The following VRK1 variants were observed in gnomAD, a reference collection of about 807,000 sequenced individuals.
The protein encoded by VRK1 is serine/threonine-protein kinase VRK1.
In VRK1, 33 loss-of-function variants were observed where a neutral mutation model predicts 57.1. The observed-to-expected ratio is 0.58, with a 90% CI of 0.44 to 0.77. The LOEUF (loss-of-function observed/expected upper bound fraction) is 0.77, where lower values mean the gene tolerates loss of function less well. VRK1 is among the 30% of genes least tolerant of loss of function. VRK1 has a pLI of 0.00. For synonymous variants in VRK1, 137 were observed against 147.8 expected (o/e 0.93, Z 0.53); for missense variants, 413 against 477.3 (o/e 0.87, Z 1.25).
chr14:96,880,350 C>A (rs994787169), intron 12 of VRK1, among the ~76,000 whole-genome samples: 5 of 152,036 alleles, frequency 3.3e-5, no homozygotes, highest in African/African-American at 1.2e-4. Context: ...ATTATGAGCA[C>A]CATGCTGTCC....
intron 1 of VRK1, among the ~76,000 whole-genome samples, chr14:96,830,620 T>C (rs569566815): frequency 1.6e-4 from 24 of 152,322 alleles, no homozygotes; most frequent in African/African-American, 5.3e-4. Flanking sequence ...GAGGCATGTT[T>C]TCTTATGTAC....
At chr14:96,819,625 T>C (rs1424328710) in intron 1 of VRK1, among the ~76,000 whole-genome samples, 1 of 152,180 alleles carries the variant, frequency 6.6e-6, no homozygotes, top group Admixed American at 6.5e-5. Flanking sequence ...GTCAACACAT[T>C]TTTGCCAATG....
intron 12 of VRK1, chr14:96,877,446 C>T: frequency 7.9e-7 from 1 of 1,258,538 alleles, no homozygotes; most frequent in Non-Finnish European, 1.0e-6. Flanking sequence ...CTGCTGTCTT[C>T]CTTTCGCTAC....
chr14:96,859,278 A>G (rs1566712299), intron 10 of VRK1, among the ~76,000 whole-genome samples: 1 of 152,082 alleles, frequency 6.6e-6, no homozygotes, highest in Non-Finnish European at 1.5e-5. Flanking sequence ...TTCTTTGTAG[A>G]TTCTGTAGGA....
intron 8 of VRK1, among the ~76,000 whole-genome samples, chr14:96,855,557 G>A (rs760310491): frequency 1.3e-5 from 2 of 152,080 alleles, no homozygotes; most frequent in African/African-American, 2.4e-5. Flanking sequence ...CCTTTTCCTC[G>A]CAGCCTTCAA....
chr14:96,876,021 A>G lies in VRK1; in HGVS notation c.1069-9A>G, dbSNP rs767585930. On this transcript the variant is annotated splice_polypyrimidine_tract_variant and intron_variant, in intron 11 of 12. Coordinates refer to ENST00000216639, the MANE Select transcript of VRK1 (RefSeq NM_003384.3). ...TATCTCTCTCTCTCTCTTTAATTTTATATGTAAGAAGCGAAAGAAAGAAAT... is the reference window on the plus strand; with the variant it reads ...TATCTCTCTCTCTCTCTTTAATTTTGTATGTAAGAAGCGAAAGAAAGAAAT... 62 of 1,611,990 alleles carry G rather than the reference A, an allele frequency of 3.8e-5. No homozygotes were observed. The highest frequency in any genetic ancestry group is 4.9e-5 in the Non-Finnish European group (58 of 1,178,876).
chr14:96,860,955 G>T, intron 11 of VRK1: 1 of 384,802 alleles, frequency 2.6e-6, no homozygotes, highest in Non-Finnish European at 4.7e-6. Flanking sequence ...TTCCTGAACT[G>T]ATTTTAACTT....
intron 1 of VRK1, among the ~76,000 whole-genome samples, chr14:96,824,017 A>G (rs889561538): frequency 2.0e-5 from 3 of 152,188 alleles, no homozygotes; most frequent in Admixed American, 6.5e-5. Context: ...TGAGACTACA[A>G]ACTTTTTCCT....
intron 4 of VRK1, 74 bp from the exon 5 acceptor site, chr14:96,847,183 C>A: frequency 8.4e-7 from 1 of 1,185,808 alleles, no homozygotes; most frequent in Non-Finnish European, 1.2e-6. Context: ...ATACATTTTG[C>A]TCTTAATGAT....
intron 1 of VRK1, among the ~76,000 whole-genome samples, chr14:96,822,915 AGCCACACTG>A (rs2139723881): frequency 6.6e-6 from 1 of 152,318 alleles, no homozygotes; most frequent in African/African-American, 2.4e-5. Context: ...ACGCCACACC[AGCCACACTG>A]GCATTCTTAC....
At chr14:96,875,041 C>G (rs1888970382) in intron 11 of VRK1, among the ~76,000 whole-genome samples, 1 of 152,138 alleles carries the variant, frequency 6.6e-6, no homozygotes, top group Non-Finnish European at 1.5e-5. Context: ...CTAAATGATA[C>G]AGACTTATTT....
chr14:96,849,376 C>T (rs760325472), intron 5 of VRK1, among the ~76,000 whole-genome samples: 2 of 151,852 alleles, frequency 1.3e-5, no homozygotes, highest in Non-Finnish European at 2.9e-5. Context: ...GAAAAGTGTA[C>T]CTGGGGCTAG....
chr14:96,802,594 C>T (rs1885707195), intron 1 of VRK1, among the ~76,000 whole-genome samples: 1 of 152,170 alleles, frequency 6.6e-6, no homozygotes, highest in Non-Finnish European at 1.5e-5. Context: ...TTAGGGCTGA[C>T]TTTCTTTGAG....
chr14:96,876,794 C>CA (rs1468748898), intron 12 of VRK1, among the ~76,000 whole-genome samples: 12 of 144,820 alleles, frequency 8.3e-5, no homozygotes, highest in African/African-American at 2.3e-4. Context: ...AAAAAAAACA[C>CA]AAAAAAACAA....
intron 12 of VRK1, chr14:96,877,678 T>C (rs1390989271): frequency 7.9e-7 from 1 of 1,273,442 alleles, no homozygotes; most frequent in African/African-American, 1.5e-5. Context: ...AGAAAGATCC[T>C]GCATTGTTCT....
At chr14:96,846,207 C>A in intron 4 of VRK1, 43 bp downstream of exon 4, 1 of 1,591,712 alleles carries the variant, frequency 6.3e-7, no homozygotes, top group Non-Finnish European at 8.6e-7. Context: ...TTAAAATGAC[C>A]AGTTTTTTGT....
intron 1 of VRK1, among the ~76,000 whole-genome samples, chr14:96,816,988 A>G (rs1886418979): frequency 6.6e-6 from 1 of 152,240 alleles, no homozygotes; most frequent in Non-Finnish European, 1.5e-5. Context: ...TTTATTTTTA[A>G]AAAGTACCTG....
chr14:96,810,479 G>GT (rs986714836), intron 1 of VRK1, among the ~76,000 whole-genome samples: 1 of 152,066 alleles, frequency 6.6e-6, no homozygotes, highest in Non-Finnish European at 1.5e-5. Flanking sequence ...CCAGGAATTT[G>GT]TTTGTGTGTT....
intron 12 of VRK1, chr14:96,877,656 A>G: frequency 7.8e-7 from 1 of 1,284,098 alleles, no homozygotes; most frequent in Non-Finnish European, 1.0e-6. Context: ...TAAAACTGGC[A>G]ATTTTAGTTT....
Sources: allele counts gnomAD v4.1 joint callset (sites outside exome capture counted in the v4.1 genomes callset), GRCh38; gene constraint gnomAD v4.1.1; transcripts MANE v1.5; gene names NCBI Gene and HGNC (gene_info 2026-07-23, HGNC 2026-07-21).